Variants in BRD3 observed in about 807,000 individuals in gnomAD.
BRD3 encodes the protein bromodomain-containing protein 3.
BRD3 carries 17 observed loss-of-function variants against 66.8 expected under a neutral mutation model. The observed-to-expected ratio is 0.25, with a 90% confidence interval of 0.17 to 0.38. The LOEUF (loss-of-function observed/expected upper bound fraction) is 0.38, where lower values mean the gene tolerates loss of function less well. BRD3 is among the 10% of genes least tolerant of loss of function. The pLI is 1.00. For synonymous variants in BRD3, 421 were observed against 393.2 expected, an observed-to-expected ratio of 1.07 and a Z score of -0.84; for missense variants, 713 against 956.1, an observed-to-expected ratio of 0.75 and a Z score of 3.35.
chr9:134,031,330 C>T lies in BRD3; in HGVS notation c.*2260G>A, dbSNP rs967508543. 2.9e-5 allele frequency: 6 copies of T among 207,856 alleles called. No individual in the cohort carries two copies. Among genetic ancestry groups the T allele is most frequent in the African/African-American group, 6.9e-5 (3 of 43,768 alleles). 12.9% of individuals were successfully genotyped at this position (207,856 alleles called of 1,614,324 possible). A position where few individuals can be genotyped will look rare whatever the true frequency, so the allele number is the denominator to read the frequency against. ...GTGGCTGGAGGGGCATTGCAAGGAG[C>T]GCCCCCCAGCCCCAGGCACCCCCGG... On this transcript the variant is annotated 3_prime_UTR_variant, in exon 12 of 12. Transcript: ENST00000303407.
chr9:134,053,441 G>A lies in BRD3; in HGVS notation c.37C>T (p.Pro13Ser), dbSNP rs1251506859. The change falls in exon 2 of 12, where the codon CCG becomes TCG. Residue 13 changes from proline (P) to serine (S), a missense_variant. By Grantham distance (74) the Pro-to-Ser change is moderately conservative (BLOSUM62 -1). This residue lies in a region of BRD3 where 48 missense variants were observed against 42.5 expected (regional missense o/e 1.13). Transcript: ENST00000303407. ...GGGTTCACAGGGCCCGGGGTCGCCG[G>A]GATCCCCGCGGGGGCGACTGTCGTG... Reference protein sequence around the residue: ...TATTVAPAGIPATPGPVNPPP... With the variant: ...TATTVAPAGISATPGPVNPPP... 2 of 1,609,520 alleles carry A rather than the reference G, an allele frequency of 1.2e-6. No homozygotes were observed. The highest frequency in any genetic ancestry group is 1.7e-6 in the Non-Finnish European group (2 of 1,179,290).
chr9:134,062,299 C>T (rs1830561159), intron 1 of BRD3, among the ~76,000 whole-genome samples: 1 of 152,184 alleles, frequency 6.6e-6, no homozygotes, highest in South Asian at 2.1e-4. Flanking sequence ...AGGCCCAGCC[C>T]TGTCCCGGGG....
intron 11 of BRD3, 34 bp downstream of exon 11, chr9:134,034,666 CT>C (rs759838857): frequency 2.2e-5 from 35 of 1,599,648 alleles, no homozygotes; most frequent in Non-Finnish European, 2.8e-5. Flanking sequence ...CCCCACCCCC[CT>C]AAAGAGGGGT....
chr9:134,045,167 T>C lies in BRD3; in HGVS notation c.1215+126A>G. The C allele has an allele frequency of 1.5e-6, 2 of 1,334,196 alleles. No individual in the cohort carries two copies. Among genetic ancestry groups the C allele is most frequent in the Non-Finnish European group, 2.0e-6 (2 of 990,310 alleles). The allele number at this position is 1,334,196 out of a possible 1,614,324, so 82.6% of individuals were successfully genotyped here. A position where few individuals can be genotyped will look rare whatever the true frequency, so the allele number is the denominator to read the frequency against. On this transcript the variant is annotated intron_variant, in intron 7 of 11. Transcript: ENST00000303407. The surrounding 1 kb of genome is among the most constrained non-coding windows in gnomAD (Gnocchi z 4.8). ...TGGTTGGCACTCGGGAAAAAGGTGT[T>C]GAGGGAATGAGGCTCTCTAAGGCCT...
chr9:134,063,174 C>T (rs562093436), intron 1 of BRD3, among the ~76,000 whole-genome samples: 1 of 152,358 alleles, frequency 6.6e-6, no homozygotes, highest in African/African-American at 2.4e-5. Flanking sequence ...TCTGCTCACC[C>T]CCAACCACAA....
At chr9:134,059,208 C>T (rs1290740501) in intron 1 of BRD3, among the ~76,000 whole-genome samples, 6 of 152,220 alleles carry the variant, frequency 3.9e-5, no homozygotes, top group Non-Finnish European at 7.3e-5. Flanking sequence ...GAGCTGCCCC[C>T]GCCCGCGGAA....
intron 1 of BRD3, among the ~76,000 whole-genome samples, chr9:134,061,740 C>G (rs577491859): frequency 1.3e-5 from 2 of 152,186 alleles, no homozygotes; most frequent in African/African-American, 4.8e-5. Flanking sequence ...GGCACAACGT[C>G]GCCCAGGCAG....
In BRD3 at chr9:134,053,530, G is replaced by A. The variant is rs1564556984; in HGVS notation, c.-53C>T. ...ACAGCAGCGGCTTGGAGAGGCCCTGGCTGCTTCTACGCTCCCTGAGAAAGC... is the reference window on the plus strand; with the variant it reads ...ACAGCAGCGGCTTGGAGAGGCCCTGACTGCTTCTACGCTCCCTGAGAAAGC... On this transcript the variant is annotated 5_prime_UTR_variant, in exon 2 of 12. Coordinates refer to ENST00000303407, the MANE Select transcript of BRD3 (RefSeq NM_007371.4). The A allele has an allele frequency of 1.2e-5, 18 of 1,501,686 alleles. No individual in the cohort carries two copies. Among genetic ancestry groups the A allele is most frequent in the Non-Finnish European group, 1.5e-5 (17 of 1,129,096 alleles). The allele number at this position is 1,501,686 out of a possible 1,614,324, so 93.0% of individuals were successfully genotyped here.
chr9:134,041,884 G>A lies in BRD3; in HGVS notation c.1283C>T (p.Pro428Leu). 3 of 1,611,476 alleles carry A rather than the reference G, an allele frequency of 1.9e-6. No individual in the cohort carries two copies. Among genetic ancestry groups the A allele is most frequent in the Non-Finnish European group, 2.5e-6 (3 of 1,178,826 alleles). Reference protein sequence around the residue: ...EPVEAPALPAPAAPMVSKGAE... With the variant: ...EPVEAPALPALAAPMVSKGAE... The stretch of plus-strand genomic sequence containing the variant: ...GCCCTTGCTCACCATGGGGGCCGCG[G>A]GGGCAGGCAGCGCCGGTGCCTCCAC... The change falls in exon 8 of 12, where the codon CCC (proline) becomes CTC (leucine). Residue 428 changes from proline (P) to leucine (L), a missense_variant. Around this residue, in one of 5 missense-constraint regions of BRD3, gnomAD observed 418 missense variants for 609.3 expected, o/e 0.69. Transcript: ENST00000303407.
intron 2 of BRD3, among the ~76,000 whole-genome samples, chr9:134,052,668 C>T (rs923973186): frequency 6.6e-6 from 1 of 152,186 alleles, no homozygotes; most frequent in African/African-American, 2.4e-5. Flanking sequence ...CAGAGAGGAG[C>T]CCACGGAGTT....
At chr9:134,054,451 T>C (rs1830372341) in intron 1 of BRD3, 1 of 152,256 alleles carries the variant, frequency 6.6e-6, no homozygotes, top group Non-Finnish European at 1.5e-5. Flanking sequence ...CCTCCAACCA[T>C]GGCCAGGGCC....
rs775814141 is a variant in BRD3, at chr9:134,053,500, C to A, written c.-23G>T. ...CATCCTCCGGCAGCTCACTCACTTTCTGTCACAGCAGCGGCTTGGAGAGGC... is the reference window on the plus strand; with the variant it reads ...CATCCTCCGGCAGCTCACTCACTTTATGTCACAGCAGCGGCTTGGAGAGGC... On this transcript the variant is annotated 5_prime_UTR_variant, in exon 2 of 12. Transcript: ENST00000303407. 1.3e-6 allele frequency: 2 copies of A among 1,565,616 alleles called. No individual in the cohort carries two copies. The highest frequency in any genetic ancestry group is 1.7e-6 in the Non-Finnish European group (2 of 1,159,128).
chr9:134,041,517 C>T (rs901836934), intron 8 of BRD3, among the ~76,000 whole-genome samples: 18 of 152,218 alleles, frequency 1.2e-4, no homozygotes, highest in Non-Finnish European at 1.9e-4. Flanking sequence ...CACCTGAGGC[C>T]CGCCAGGTCT....
intron 1 of BRD3, among the ~76,000 whole-genome samples, chr9:134,064,180 A>T (rs561264401): frequency 6.6e-6 from 1 of 152,204 alleles, no homozygotes; most frequent in Admixed American, 6.5e-5. Context: ...TGGCCAGAAG[A>T]CTTACAATTT....
At chr9:134,049,181 G>A (rs1416000213) in intron 5 of BRD3, among the ~76,000 whole-genome samples, 3 of 152,138 alleles carry the variant, frequency 2.0e-5, no homozygotes, top group Non-Finnish European at 2.9e-5. Flanking sequence ...AGGCAGACGC[G>A]CATGTTTAAC....
At chr9:134,038,746 C>A (rs1829981178) in intron 9 of BRD3, among the ~76,000 whole-genome samples, 1 of 152,168 alleles carries the variant, frequency 6.6e-6, no homozygotes, top group African/African-American at 2.4e-5. Context: ...TGGAGCATTT[C>A]AGATTTTCAG....
chr9:134,046,827 G>A (rs962212780), intron 6 of BRD3, among the ~76,000 whole-genome samples: 23 of 152,334 alleles, frequency 1.5e-4, no homozygotes, highest in African/African-American at 5.1e-4. Context: ...TGACTTTAAA[G>A]TGAATTGTTT....
Position 134,036,211 on chromosome 9 carries a change from C to T in BRD3, c.1757G>A (p.Arg586Gln), listed in dbSNP as rs202106159. ...EKRQLSLDIN[R>Q]LPGEKLGRVV... The stretch of plus-strand genomic sequence containing the variant: ...CCGGCCCAGCTTCTCCCCGGGCAGC[C>T]GGTTGATGTCCAGGCTAAGCTGGCG... Residue 586 changes from arginine (R) to glutamine (Q), a missense_variant, in exon 10 of 12, where the codon CGG becomes CAG. Around this residue, in one of 5 missense-constraint regions of BRD3, gnomAD observed 418 missense variants for 609.3 expected, o/e 0.69. Transcript: ENST00000303407. The T allele has an allele frequency of 3.1e-6, 5 of 1,614,214 alleles. No homozygotes were observed. The highest frequency in any genetic ancestry group is 1.3e-5 in the African/African-American group (1 of 75,056).
chr9:134,051,650 C>T lies in BRD3; in HGVS notation c.411G>A (p.Val137=). ...QALEKIFLQK[V]AQMPQEEVEL... ...CAACTTCCTCTTGGGGCATCTGGGC[C>T]ACTTTTTGTAGAAAAATTTTCTCTA... The change falls in exon 4 of 12, where the codon GTG becomes GTA. Residue 137 remains valine, a synonymous_variant. Coordinates refer to ENST00000303407, the MANE Select transcript of BRD3 (RefSeq NM_007371.4). 2 of 1,590,186 alleles carry T rather than the reference C, an allele frequency of 1.3e-6. No individual in the cohort carries two copies. Among genetic ancestry groups the T allele is most frequent in the Non-Finnish European group, 1.7e-6 (2 of 1,172,124 alleles).
Sources: gnomAD v4.1 joint callset for allele counts (sites outside exome capture counted in the v4.1 genomes callset) on GRCh38, gnomAD v4.1.1 for gene constraint, gnomAD v4.1.1 regional missense constraint, Gnocchi (gnomAD v3.1) non-coding constraint, MANE v1.5 for transcripts, NCBI Gene and HGNC (gene_info 2026-07-23, HGNC 2026-07-21) for gene names.